Variants in RGS7 observed in about 807,000 individuals in gnomAD.
RGS7 encodes regulator of G protein signaling 7, also known as regulator of G-protein signaling 7.
RGS7 carries 27 observed loss-of-function variants against 81.1 expected under a neutral mutation model. The observed-to-expected ratio is 0.33, with a 90% CI of 0.25 to 0.46. The LOEUF (loss-of-function observed/expected upper bound fraction) is 0.46. Ranked by LOEUF, RGS7 falls within the 20% of genes least tolerant of loss-of-function variation. The pLI is 1.00. For missense variants in RGS7, 396 were observed against 607.4 expected (o/e 0.65, Z 3.66); for synonymous variants, 208 against 207.7 (o/e 1.00, Z -0.01).
intron 18 of RGS7, among the ~76,000 whole-genome samples, chr1:240,777,697 C>T (rs1465796689): frequency 6.6e-6 from 1 of 152,134 alleles, no homozygotes; most frequent in Non-Finnish European, 1.5e-5. Flanking sequence ...AGGGCCTTCT[C>T]CTTGGTTCAT....
intron 5 of RGS7, among the ~76,000 whole-genome samples, chr1:240,932,664 A>T (rs894375384): frequency 4.7e-5 from 7 of 148,842 alleles, no homozygotes; most frequent in South Asian, 2.1e-4. Flanking sequence ...GCCCGCCACC[A>T]CGCCCAGCTG....
intron 10 of RGS7, among the ~76,000 whole-genome samples, chr1:240,825,790 A>G (rs16840779): frequency 0.033 from 5,047 of 152,298 alleles, 295 homozygotes; most frequent in African/African-American, 0.11. Context: ...CACGAGAAAG[A>G]TGATCTATAC....
Position 241,239,627 on chromosome 1 carries a change from C to A in RGS7, c.78+116072G>T, listed in dbSNP as rs552714714. On this transcript the variant is annotated intron_variant, in intron 2 of 18. Transcript: ENST00000440928. The stretch of plus-strand genomic sequence containing the variant: ...TGTGTGCCTTCATCTTTTTTACTCT[C>A]CACTCCTTACCAGGGATGAACTGCC... 3.5e-4 allele frequency among the ~76,000 whole-genome samples: 54 copies of A among 152,232 alleles called. No individual in the cohort carries two copies. In the South Asian group the frequency reaches 9.5e-3, roughly 27 times the overall value.
chr1:240,963,531 A>C (rs1282590213), intron 4 of RGS7, among the ~76,000 whole-genome samples: 1 of 152,196 alleles, frequency 6.6e-6, no homozygotes, highest in East Asian at 1.9e-4. Flanking sequence ...GCTAAAAAGG[A>C]GTGAAAAATG....
intron 2 of RGS7, among the ~76,000 whole-genome samples, chr1:241,287,894 T>C (rs1043487592): frequency 1.2e-4 from 18 of 152,170 alleles, no homozygotes; most frequent in Non-Finnish European, 1.9e-4. Context: ...AATAAAAATA[T>C]ATGACACTGG....
chr1:241,148,211 C>T (rs1014916085), intron 2 of RGS7, among the ~76,000 whole-genome samples: 7 of 151,750 alleles, frequency 4.6e-5, no homozygotes, highest in African/African-American at 1.7e-4. Context: ...CTACAATGCC[C>T]AGCTAATTTT....
At chr1:240,911,540 T>A (rs1321373259) in intron 6 of RGS7, among the ~76,000 whole-genome samples, 1 of 152,196 alleles carries the variant, frequency 6.6e-6, no homozygotes, top group Non-Finnish European at 1.5e-5. Context: ...TTCAAAAATC[T>A]TTCTGTCCAA....
At chr1:240,931,004 T>A (rs1051218532) in intron 5 of RGS7, among the ~76,000 whole-genome samples, 2 of 152,206 alleles carry the variant, frequency 1.3e-5, no homozygotes, top group Admixed American at 1.3e-4. Flanking sequence ...TAGAATGTCA[T>A]CCCTTTGCTG....
At chr1:241,287,998 A>G (rs1477826494) in intron 2 of RGS7, among the ~76,000 whole-genome samples, 3 of 152,214 alleles carry the variant, frequency 2.0e-5, no homozygotes, top group African/African-American at 4.8e-5. Flanking sequence ...TAATTTTCCC[A>G]TCTGGACTAA....
Position 241,098,769 on chromosome 1 carries a change from AATAATAACAT to A in RGS7, c.79-17_79-8del. ...GTGCTATGACGTCTTCCATCTAAAC[AATAATAACAT>A]AATTAAAACCTTTATAAAGTTGAAC... On this transcript the variant is annotated splice_region_variant and splice_polypyrimidine_tract_variant and intron_variant, in intron 2 of 18. Transcript: ENST00000440928. 1 of 1,590,388 alleles carries A rather than the reference AATAATAACAT, an allele frequency of 6.3e-7. No individual in the cohort carries two copies. Among genetic ancestry groups the A allele is most frequent in the Non-Finnish European group, 8.6e-7 (1 of 1,160,020 alleles).
intron 2 of RGS7, among the ~76,000 whole-genome samples, chr1:241,268,129 A>G (rs947471585): frequency 2.6e-5 from 4 of 152,190 alleles, no homozygotes; most frequent in Non-Finnish European, 4.4e-5. Flanking sequence ...ATTGGGACAC[A>G]CCCAAAGTCA....
chr1:240,884,793 T>C (rs1352371793), intron 6 of RGS7, among the ~76,000 whole-genome samples: 2 of 152,142 alleles, frequency 1.3e-5, no homozygotes, highest in African/African-American at 4.8e-5. Flanking sequence ...AACCCAAAAC[T>C]ATAAACTCTG....
intron 2 of RGS7, among the ~76,000 whole-genome samples, chr1:241,149,487 T>C (rs1489884916): frequency 6.6e-6 from 1 of 152,174 alleles, no homozygotes; most frequent in Non-Finnish European, 1.5e-5. Context: ...GCTGCTGCCA[T>C]GACTGGCTTT....
intron 18 of RGS7, among the ~76,000 whole-genome samples, chr1:240,791,518 T>TA (rs1686005334): frequency 1.3e-5 from 2 of 152,206 alleles, no homozygotes; most frequent in South Asian, 4.1e-4. Context: ...TTCTGGGTAC[T>TA]AGCAAAAATT....
chr1:241,228,242 T>C (rs1339892499), intron 2 of RGS7, among the ~76,000 whole-genome samples: 1 of 152,132 alleles, frequency 6.6e-6, no homozygotes, highest in African/African-American at 2.4e-5. Context: ...CCAAAACACG[T>C]GAATGAGGAA....
chr1:241,290,442 A>C (rs1021196609), intron 2 of RGS7, among the ~76,000 whole-genome samples: 1 of 152,258 alleles, frequency 6.6e-6, no homozygotes, highest in African/African-American at 2.4e-5. Context: ...TGATCCGTTT[A>C]TCTCTCCCAT....
chr1:241,248,383 T>TATAC (rs1222201783), intron 2 of RGS7, among the ~76,000 whole-genome samples: 5 of 148,122 alleles, frequency 3.4e-5, no homozygotes, highest in Admixed American at 1.4e-4. Context: ...TATATGTATA[T>TATAC]ATACATACAT....
intron 3 of RGS7, among the ~76,000 whole-genome samples, chr1:241,049,292 A>AT (rs2061123862): frequency 6.6e-6 from 1 of 152,208 alleles, no homozygotes; most frequent in South Asian, 2.1e-4. Context: ...TCAACTGGAC[A>AT]TTACTGGTGT....
At position 241,221,177 on chromosome 1, in the gene RGS7, AAAG is replaced by A. The variant is rs774481877; in HGVS notation, c.79-122418_79-122416del. On this transcript the variant is annotated intron_variant, in intron 2 of 18. Coordinates refer to ENST00000440928, the MANE Select transcript of RGS7 (RefSeq NM_001364886.1). Reference sequence around the variant, plus strand: ...AACAAAAGAAGGAAGGAAGGGGAAAAAAGAAAGAGAGAAAGAAAGAGAAAGAAA... The same window carrying A: ...AACAAAAGAAGGAAGGAAGGGGAAAAAAAGAGAGAAAGAAAGAGAAAGAAA... Among the ~76,000 whole-genome samples the A allele has an allele frequency of 8.9e-5, 13 of 146,058 alleles. 1 individual carries two copies. The highest frequency in any genetic ancestry group is 2.1e-4 in the Admixed American group (3 of 14,456).
Sources: allele counts gnomAD v4.1 joint callset (sites outside exome capture counted in the v4.1 genomes callset), GRCh38; gene constraint gnomAD v4.1.1; transcripts MANE v1.5; gene names NCBI Gene and HGNC (gene_info 2026-07-23, HGNC 2026-07-21).